MYT1L: variants seen among roughly 807,000 people sequenced by gnomAD.
MYT1L encodes the protein myelin transcription factor 1 like.
MYT1L carries 12 observed loss-of-function variants against 126.7 expected under a neutral mutation model. The ratio of observed to expected loss-of-function variants is 0.09; its 90% confidence interval spans 0.06 to 0.15. MYT1L has a LOEUF of 0.15. Ranked by LOEUF, MYT1L falls within the 10% of genes least tolerant of loss-of-function variation. The pLI is 1.00. For missense variants in MYT1L, 979 were observed against 1,585.2 expected (o/e 0.62, Z 6.49); for synonymous variants, 541 against 604.2 (o/e 0.90, Z 1.53).
intron 8 of MYT1L, among the ~76,000 whole-genome samples, chr2:1,964,382 T>A (rs779488387): frequency 6.6e-6 from 1 of 152,146 alleles, no homozygotes; most frequent in Non-Finnish European, 1.5e-5. Flanking sequence ...ACAGAGACAC[T>A]GAGTGAGCAC....
chr2:1,934,766 A>G (rs1283736075), intron 9 of MYT1L, among the ~76,000 whole-genome samples: 2 of 151,160 alleles, frequency 1.3e-5, no homozygotes, highest in Non-Finnish European at 3.0e-5. Context: ...ACACACACAC[A>G]CACAGGCACA....
intron 2 of MYT1L, among the ~76,000 whole-genome samples, chr2:2,236,856 C>G (rs1263720208): frequency 6.9e-6 from 1 of 145,310 alleles, no homozygotes; most frequent in Non-Finnish European, 1.5e-5. Flanking sequence ...TCTTGTTGCC[C>G]AGGCTGGAAT....
At chr2:1,825,412 A>T (rs1204010100) in intron 21 of MYT1L, 1 of 152,254 alleles carries the variant, frequency 6.6e-6, no homozygotes, top group Non-Finnish European at 1.5e-5. Flanking sequence ...TTTACATGTT[A>T]TAACATAATT....
At position 2,228,959 on chromosome 2, in the gene MYT1L, G is replaced by A. The variant is rs1005065380; in HGVS notation, c.-421+55445C>T. ...AGAGAAGGATATGAAGTGAAACACG[G>A]GGGTCTTCCAACGTATCCAGCTGAG... is the stretch of plus-strand genomic sequence containing the variant. On this transcript the variant is annotated intron_variant, in intron 2 of 24. Coordinates refer to ENST00000647738, the MANE Select transcript of MYT1L (RefSeq NM_001303052.2). The surrounding 1 kb of genome is among the most constrained non-coding windows in gnomAD (Gnocchi z 5.9). Among the ~76,000 whole-genome samples the A allele has an allele frequency of 6.6e-6, 1 of 152,032 alleles. No homozygotes were observed. The highest frequency in any genetic ancestry group is 6.5e-5 in the Admixed American group (1 of 15,270).
chr2:1,843,595 A>G (rs2042118481), intron 19 of MYT1L, among the ~76,000 whole-genome samples: 1 of 151,496 alleles, frequency 6.6e-6, no homozygotes, highest in Non-Finnish European at 1.5e-5. Flanking sequence ...CCCAGGGAGA[A>G]TTACTATGGT....
chr2:2,113,776 G>T (rs2079822753), intron 3 of MYT1L, among the ~76,000 whole-genome samples: 1 of 152,128 alleles, frequency 6.6e-6, no homozygotes, highest in Non-Finnish European at 1.5e-5. Context: ...CCATTACACA[G>T]ATAGGAAAAT....
chr2:1,840,842 G>C lies in MYT1L; in HGVS notation c.2776C>G (p.Leu926Val). ...ITGNYASHRS[L>V]SGCPRAKKSG... ...TTCTTTGCTCTTGGGCAACCTGAAA[G>C]GCTAAATAAGAAACACATTTCAGAA... The change falls in exon 20 of 25, where the codon CTT becomes GTT. Residue 926 changes from leucine to valine, a missense_variant and splice_region_variant. By Grantham distance (32) the Leu-to-Val change is conservative. Transcript: ENST00000647738. The C allele has an allele frequency of 6.5e-7, 1 of 1,547,460 alleles. No homozygotes were observed. The highest frequency in any genetic ancestry group is 8.7e-7 in the Non-Finnish European group (1 of 1,144,458).
intron 2 of MYT1L, among the ~76,000 whole-genome samples, chr2:2,263,984 G>A (rs1240190208): frequency 2.0e-5 from 3 of 152,124 alleles, no homozygotes; most frequent in Non-Finnish European, 4.4e-5. Context: ...AGAATGGACC[G>A]CTAATACTTA....
chr2:2,309,364 C>T (rs1441592107), intron 1 of MYT1L, among the ~76,000 whole-genome samples: 4 of 151,294 alleles, frequency 2.6e-5, no homozygotes, highest in Non-Finnish European at 4.4e-5. Context: ...ATCTATTCTC[C>T]ATCTACACTT....
rs548326093 is a variant in MYT1L at position 1,949,368 on chromosome 2, C to T, written c.153-6034G>A. ...TACACATGGAGGCCTGGCATCCCGT[C>T]ACCCCCACCCCCTCCAAGCCAGCCT... On this transcript the variant is annotated intron_variant, in intron 8 of 24. Transcript: ENST00000647738. 1.6e-3 allele frequency among the ~76,000 whole-genome samples: 242 copies of T among 152,276 alleles called. 1 individual carries two copies. The highest frequency in any genetic ancestry group is 5.3e-3 in the African/African-American group (219 of 41,558).
At chr2:2,281,751 CAT>C (rs1281425699) in intron 2 of MYT1L, among the ~76,000 whole-genome samples, 1 of 152,150 alleles carries the variant, frequency 6.6e-6, no homozygotes, top group African/African-American at 2.4e-5. Flanking sequence ...TTGAATTAGA[CAT>C]AGTCTGTATC....
chr2:2,156,949 T>C (rs1043539846), intron 3 of MYT1L, among the ~76,000 whole-genome samples: 1 of 152,224 alleles, frequency 6.6e-6, no homozygotes, highest in African/African-American at 2.4e-5. Flanking sequence ...CTGTTTTTGT[T>C]TTCCATTTGT....
chr2:1,888,324 C>T (rs72765593), intron 16 of MYT1L, among the ~76,000 whole-genome samples: 5,732 of 152,154 alleles, frequency 0.038, 152 homozygotes, highest in Non-Finnish European at 0.054. Context: ...TTCAACACTG[C>T]GGGAGAAAAA....
At chr2:1,891,996 C>A (rs1009029553) in intron 15 of MYT1L, 41 bp downstream of exon 15, 1 of 1,469,730 alleles carries the variant, frequency 6.8e-7, no homozygotes, top group Non-Finnish European at 9.0e-7. Context: ...GCCCGGCCTC[C>A]CCCACCCGCC....
At chr2:1,837,792 G>A (rs2041107842) in intron 21 of MYT1L, among the ~76,000 whole-genome samples, 1 of 151,990 alleles carries the variant, frequency 6.6e-6, no homozygotes, top group Non-Finnish European at 1.5e-5. Flanking sequence ...AGATCCATGT[G>A]TATAAATAGG....
In MYT1L at chr2:1,912,285, A is replaced by G. The variant is rs2052132309; in HGVS notation, c.1619-175T>C. On this transcript the variant is annotated intron_variant, in intron 11 of 24. Transcript: ENST00000647738. The surrounding 1 kb of genome is among the most constrained non-coding windows in gnomAD (Gnocchi z 4.3). The stretch of plus-strand genomic sequence containing the variant: ...TGGGAGGAGAAAGAAGGTTGACTGG[A>G]CCCTACGGACCCTACACGAAAGGCC... Among the ~76,000 whole-genome samples, 1 of 151,812 alleles carries G rather than the reference A, an allele frequency of 6.6e-6. No individual in the cohort carries two copies. Among genetic ancestry groups the G allele is most frequent in the African/African-American group, 2.4e-5 (1 of 41,330 alleles).
At chr2:2,026,241 C>G (rs1336263583) in intron 4 of MYT1L, among the ~76,000 whole-genome samples, 1 of 152,180 alleles carries the variant, frequency 6.6e-6, no homozygotes, top group Non-Finnish European at 1.5e-5. Context: ...CCAGTCTGTC[C>G]CCTCCACTGT....
At chr2:2,311,636 C>T (rs1016904973) in intron 1 of MYT1L, among the ~76,000 whole-genome samples, 11 of 152,124 alleles carry the variant, frequency 7.2e-5, no homozygotes, top group African/African-American at 2.2e-4. Flanking sequence ...GAGAGAAGGT[C>T]GGTCCTCCCC....
chr2:1,825,604 G>A (rs1422128383), intron 21 of MYT1L: 1 of 152,056 alleles, frequency 6.6e-6, no homozygotes, highest in East Asian at 1.9e-4. Flanking sequence ...TTCACATATG[G>A]GAACCCGCTT....
Sources: allele counts gnomAD v4.1 joint callset (sites outside exome capture counted in the v4.1 genomes callset), GRCh38; gene constraint gnomAD v4.1.1; non-coding constraint Gnocchi (gnomAD v3.1); transcripts MANE v1.5; gene names NCBI Gene and HGNC (gene_info 2026-07-23, HGNC 2026-07-21).